DCC: variants seen among roughly 807,000 people sequenced by gnomAD.
The protein encoded by DCC is netrin receptor DCC.
Under a neutral mutation model 172.5 loss-of-function variants are expected in DCC, and 58 were observed. The observed-to-expected ratio is 0.34, with a 90% CI of 0.27 to 0.42. DCC has a LOEUF of 0.42. Among genes scored for constraint, DCC ranks in the 10% least tolerant of loss-of-function variants. The pLI is 1.00. For synonymous variants in DCC, 709 were observed against 644.5 expected (o/e 1.10, Z -1.52); for missense variants, 1,740 against 1,791.0 (o/e 0.97, Z 0.51).
intron 1 of DCC, among the ~76,000 whole-genome samples, chr18:52,415,691 G>T (rs927624731): frequency 2.6e-5 from 4 of 152,066 alleles, no homozygotes; most frequent in Non-Finnish European, 1.5e-5. Flanking sequence ...AAGTGAACTG[G>T]CAGTGGGGAA....
intron 2 of DCC, among the ~76,000 whole-genome samples, chr18:52,850,283 CGTTT>C (rs1355473712): frequency 2.0e-5 from 3 of 152,166 alleles, no homozygotes; most frequent in African/African-American, 7.2e-5. Flanking sequence ...GGAAGCACAT[CGTTT>C]GTGTATAAGA....
intron 5 of DCC, among the ~76,000 whole-genome samples, chr18:52,940,549 A>C (rs894561793): frequency 1.3e-5 from 2 of 152,214 alleles, no homozygotes; most frequent in African/African-American, 4.8e-5. Context: ...GCACTGAGAC[A>C]GATCTTTAAG....
intron 2 of DCC, among the ~76,000 whole-genome samples, chr18:52,852,622 T>C (rs2038993974): frequency 6.9e-6 from 1 of 144,340 alleles, no homozygotes; most frequent in African/African-American, 2.9e-5. Context: ...ACTTACCAAG[T>C]GTCTATTTGG....
intron 12 of DCC, among the ~76,000 whole-genome samples, chr18:53,225,003 C>T (rs960873112): frequency 3.3e-5 from 5 of 151,974 alleles, no homozygotes; most frequent in African/African-American, 9.7e-5. Context: ...GAATACTTAA[C>T]ATTTAGAGAT....
intron 1 of DCC, among the ~76,000 whole-genome samples, chr18:52,383,251 T>G (rs1985659918): frequency 6.6e-6 from 1 of 152,110 alleles, no homozygotes; most frequent in South Asian, 2.1e-4. Context: ...TACTCTAAAT[T>G]TATAGGATTG....
At chr18:53,187,505 T>C (rs1294376908) in intron 9 of DCC, among the ~76,000 whole-genome samples, 1 of 152,212 alleles carries the variant, frequency 6.6e-6, no homozygotes, top group African/African-American at 2.4e-5. Flanking sequence ...TATAATTTGA[T>C]GCACAAACCA....
intron 7 of DCC, among the ~76,000 whole-genome samples, chr18:53,078,692 A>C (rs780318388): frequency 2.6e-5 from 4 of 152,192 alleles, no homozygotes; most frequent in Non-Finnish European, 4.4e-5. Flanking sequence ...CAGCCTAAAT[A>C]GTATAGGCAA....
intron 9 of DCC, among the ~76,000 whole-genome samples, chr18:53,195,091 A>G (rs2055423990): frequency 6.6e-6 from 1 of 152,192 alleles, no homozygotes; most frequent in Non-Finnish European, 1.5e-5. Flanking sequence ...TGAGAAAATG[A>G]TGCTCTGAGT....
At chr18:52,548,887 A>G (rs980729998) in intron 1 of DCC, among the ~76,000 whole-genome samples, 8 of 152,258 alleles carry the variant, frequency 5.3e-5, no homozygotes, top group African/African-American at 1.9e-4. Flanking sequence ...AAGAAAATGT[A>G]TGTTTAGACA....
chr18:53,064,972 T>C (rs538949143), intron 6 of DCC, among the ~76,000 whole-genome samples: 50 of 152,294 alleles, frequency 3.3e-4, no homozygotes, highest in African/African-American at 1.1e-3. Context: ...GCATGACTCA[T>C]TACAGCCAAC....
chr18:52,785,524 G>A (rs1160489794), intron 2 of DCC, among the ~76,000 whole-genome samples: 2 of 151,956 alleles, frequency 1.3e-5, no homozygotes, highest in Admixed American at 6.6e-5. Context: ...CCTGCTGAAA[G>A]GGGTATCATG....
At chr18:53,322,002 G>A in intron 13 of DCC, 45 bp from the exon 14 acceptor site, 3 of 1,014,688 alleles carry the variant, frequency 3.0e-6, no homozygotes, top group Non-Finnish European at 4.7e-6. Flanking sequence ...AGGAATACTT[G>A]GTGCATAGTA....
chr18:52,604,399 A>G (rs2034087788), intron 1 of DCC, among the ~76,000 whole-genome samples: 2 of 152,266 alleles, frequency 1.3e-5, no homozygotes, highest in South Asian at 4.1e-4. Context: ...GGCTTAAACA[A>G]TAGGTGGCTA....
chr18:53,218,281 C>T (rs1232952657), intron 12 of DCC, among the ~76,000 whole-genome samples: 1 of 151,930 alleles, frequency 6.6e-6, no homozygotes, highest in Non-Finnish European at 1.5e-5. Context: ...AATGAAATAA[C>T]TTGGTGCAAC....
chr18:52,680,674 T>C (rs556841828), intron 1 of DCC, among the ~76,000 whole-genome samples: 1 of 152,238 alleles, frequency 6.6e-6, no homozygotes, highest in African/African-American at 2.4e-5. Flanking sequence ...GCAAACCCAG[T>C]AAATGTTGAA....
Position 53,174,470 on chromosome 18 carries a change from A to G in DCC, c.1419-4492A>G, listed in dbSNP as rs1394509311. On this transcript the variant is annotated intron_variant, in intron 8 of 28. Coordinates refer to ENST00000442544, the MANE Select transcript of DCC (RefSeq NM_005215.4). ...AAAAAGAGAGAAGAATCAAATAGAC[A>G]CAATAAAAAATGATAAAGGGGATAT... Among the ~76,000 whole-genome samples the G allele has an allele frequency of 1.7e-3, 250 of 149,252 alleles. 1 individual carries two copies. Among genetic ancestry groups the G allele is most frequent in the Admixed American group, 0.012 (182 of 14,624 alleles).
intron 12 of DCC, among the ~76,000 whole-genome samples, chr18:53,260,654 AC>A (rs1206031523): frequency 1.3e-5 from 2 of 151,992 alleles, no homozygotes; most frequent in South Asian, 2.1e-4. Flanking sequence ...GGGGTCAGGG[AC>A]CCACTTGAGG....
chr18:52,761,474 T>G (rs1169485422), intron 2 of DCC, among the ~76,000 whole-genome samples: 1 of 152,196 alleles, frequency 6.6e-6, no homozygotes, highest in Admixed American at 6.5e-5. Flanking sequence ...AGCGAGATAA[T>G]TTTGACCTAG....
At chr18:53,097,607 T>G (rs960467592) in intron 7 of DCC, among the ~76,000 whole-genome samples, 2 of 152,158 alleles carry the variant, frequency 1.3e-5, no homozygotes, top group South Asian at 2.1e-4. Context: ...ATTATAATGC[T>G]GTACTAGTCA....
Sources: gnomAD v4.1 joint callset for allele counts (sites outside exome capture counted in the v4.1 genomes callset) on GRCh38, gnomAD v4.1.1 for gene constraint, MANE v1.5 for transcripts, NCBI Gene and HGNC (gene_info 2026-07-23, HGNC 2026-07-21) for gene names.